The following SORBS2 variants were observed in gnomAD, a reference collection of about 807,000 sequenced individuals.
The protein encoded by SORBS2 is sorbin and SH3 domain containing 2.
SORBS2 carries 46 observed loss-of-function variants against 97.7 expected under a neutral mutation model. The observed-to-expected ratio is 0.47, with a 90% CI of 0.37 to 0.60. The LOEUF (loss-of-function observed/expected upper bound fraction) is 0.60. SORBS2 is among the 20% of genes least tolerant of loss of function. The pLI is 0.00. For missense variants in SORBS2, 1,316 were observed against 1,282.3 expected (o/e 1.03, Z -0.40); for synonymous variants, 476 against 473.4 (o/e 1.01, Z -0.07).
intron 2 of SORBS2, among the ~76,000 whole-genome samples, chr4:185,750,774 G>C (rs929036026): frequency 2.6e-5 from 4 of 152,078 alleles, no homozygotes; most frequent in African/African-American, 9.7e-5. Context: ...TAAGAAAACT[G>C]GGCTCTTGAT....
At chr4:185,950,233 C>T (rs1047628078) in intron 1 of SORBS2, among the ~76,000 whole-genome samples, 5 of 137,638 alleles carry the variant, frequency 3.6e-5, no homozygotes, top group Non-Finnish European at 6.1e-5. Context: ...CCCTGGGCAA[C>T]GAGCAAGACT....
At chr4:185,754,068 A>C (rs1156497699) in intron 2 of SORBS2, among the ~76,000 whole-genome samples, 1 of 152,218 alleles carries the variant, frequency 6.6e-6, no homozygotes, top group Non-Finnish European at 1.5e-5. Context: ...TCAATGGTAG[A>C]CTTGATAAAG....
At chr4:185,651,725 G>C (rs368297589) in intron 2 of SORBS2, 59 bp downstream of exon 11, 1 of 935,640 alleles carries the variant, frequency 1.1e-6, no homozygotes, top group East Asian at 2.4e-5. Flanking sequence ...TGACCGTGTC[G>C]TTCTTCCAAA....
chr4:185,931,465 G>A (rs181923841), intron 1 of SORBS2, among the ~76,000 whole-genome samples: 217 of 152,288 alleles, frequency 1.4e-3, no homozygotes, highest in African/African-American at 5.0e-3. Flanking sequence ...AAGGACGAGC[G>A]GAGACTGATG....
At chr4:185,795,890 C>T (rs1405863636) in intron 1 of SORBS2, among the ~76,000 whole-genome samples, 1 of 152,124 alleles carries the variant, frequency 6.6e-6, no homozygotes, top group Non-Finnish European at 1.5e-5. Context: ...AAGACAGAAA[C>T]CTGGTGATTA....
In SORBS2 at chr4:185,851,155, A is replaced by C. The variant is rs187021486; in HGVS notation, c.-337-75789T>G. Reference sequence around the variant, plus strand: ...TATATTCTCTGGGGACCCTCGGCTGATACCAGGTGCACTTGTTAAAAATCA... The same window carrying C: ...TATATTCTCTGGGGACCCTCGGCTGCTACCAGGTGCACTTGTTAAAAATCA... On this transcript the variant is annotated intron_variant, in intron 1 of 20. Coordinates refer to the SORBS2 transcript ENST00000284776. Among the ~76,000 whole-genome samples, 1,320 of 152,294 alleles carry C rather than the reference A, an allele frequency of 8.7e-3. 14 individuals are homozygous for C. The highest frequency in any genetic ancestry group is 0.026 in the Admixed American group (402 of 15,292).
intron 2 of SORBS2, among the ~76,000 whole-genome samples, chr4:185,731,379 G>C (rs1367869179): frequency 6.6e-6 from 1 of 152,024 alleles, no homozygotes; most frequent in Non-Finnish European, 1.5e-5. Context: ...AAGCCTCTTG[G>C]AATTTATTTT....
At chr4:185,645,008 T>C (rs1291028255) in intron 4 of SORBS2, among the ~76,000 whole-genome samples, 1 of 152,048 alleles carries the variant, frequency 6.6e-6, no homozygotes, top group South Asian at 2.1e-4. Flanking sequence ...AGGTAGAGAG[T>C]GTGTCCTGTT....
chr4:185,750,691 C>T (rs2098793362), intron 2 of SORBS2, among the ~76,000 whole-genome samples: 2 of 152,316 alleles, frequency 1.3e-5, no homozygotes, highest in Non-Finnish European at 2.9e-5. Context: ...CTTTCAACCT[C>T]TATTGCTAGT....
intron 4 of SORBS2, among the ~76,000 whole-genome samples, chr4:185,633,390 T>A (rs2096938713): frequency 1.3e-5 from 2 of 151,916 alleles, no homozygotes; most frequent in African/African-American, 4.8e-5. Context: ...CATATGCTAT[T>A]AGAATCATAC....
upstream of SORBS2, chr4:185,657,265 T>A: frequency 1.8e-6 from 1 of 570,206 alleles, no homozygotes; most frequent in Non-Finnish European, 2.8e-6. Context: ...ACAGCTTTCT[T>A]TCTCTGCCAC....
intron 1 of SORBS2, among the ~76,000 whole-genome samples, chr4:185,871,090 A>G (rs1183789878): frequency 6.6e-6 from 1 of 152,216 alleles, no homozygotes; most frequent in Non-Finnish European, 1.5e-5. Flanking sequence ...AAAACCACAC[A>G]GAGTCTATTC....
chr4:185,923,291 G>C (rs2099261836), intron 1 of SORBS2, among the ~76,000 whole-genome samples: 1 of 151,948 alleles, frequency 6.6e-6, no homozygotes, highest in Non-Finnish European at 1.5e-5. Context: ...TTTGGGATCA[G>C]TCATATAATA....
chr4:185,587,826 A>C (rs1358643556), intron 14 of SORBS2, 138 bp from the exon 27 acceptor site: 1 of 676,906 alleles, frequency 1.5e-6, no homozygotes, highest in South Asian at 1.7e-5. Flanking sequence ...GGCAACTCAC[A>C]TGAAGCCCAT....
chr4:185,679,173 A>G (rs4493590), intron 2 of SORBS2, among the ~76,000 whole-genome samples: 31,519 of 152,126 alleles, frequency 0.21, 4,012 homozygotes, highest in Non-Finnish European at 0.28. Flanking sequence ...AAACAGCACT[A>G]ACTCAAACTG....
intron 1 of SORBS2, among the ~76,000 whole-genome samples, chr4:185,931,006 G>A (rs2099266163): frequency 6.6e-6 from 1 of 151,960 alleles, no homozygotes; most frequent in Admixed American, 6.6e-5. Context: ...AGAGAATGCT[G>A]ATTAAATGAA....
intron 2 of SORBS2, among the ~76,000 whole-genome samples, chr4:185,760,841 T>A (rs2098881119): frequency 6.6e-6 from 1 of 152,216 alleles, no homozygotes; most frequent in Non-Finnish European, 1.5e-5. Context: ...TTCAAGAATG[T>A]GACTGAGGAC....
intron 1 of SORBS2, among the ~76,000 whole-genome samples, chr4:185,942,405 C>T (rs1278255106): frequency 1.3e-5 from 2 of 151,070 alleles, no homozygotes; most frequent in Non-Finnish European, 2.9e-5. Context: ...GTCTGGAGTG[C>T]AGTGGTGTGA....
At chr4:185,690,538 G>A (rs1371645075) in intron 2 of SORBS2, 24 bp downstream of exon 4, 2 of 1,494,316 alleles carry the variant, frequency 1.3e-6, no homozygotes, top group Non-Finnish European at 1.8e-6. Flanking sequence ...GGCTAAAAGA[G>A]TTTAAAACTA....
Sources: allele counts gnomAD v4.1 joint callset (sites outside exome capture counted in the v4.1 genomes callset), GRCh38; gene constraint gnomAD v4.1.1; transcripts MANE v1.5; gene names NCBI Gene and HGNC (gene_info 2026-07-23, HGNC 2026-07-21).